Variants in VAV3 observed in about 807,000 individuals in gnomAD.
VAV3 encodes vav guanine nucleotide exchange factor 3.
VAV3 carries 94 observed loss-of-function variants against 131.2 expected under a neutral mutation model. The observed-to-expected ratio is 0.72, with a 90% CI of 0.61 to 0.85. VAV3 has a LOEUF of 0.85. VAV3 is among the 40% of genes least tolerant of loss of function. VAV3 has a pLI of 0.00. For synonymous variants in VAV3, 349 were observed against 342.0 expected (o/e 1.02, Z -0.22); for missense variants, 939 against 1,002.7 (o/e 0.94, Z 0.86).
chr1:107,915,276 T>A (rs1672553370), intron 1 of VAV3, among the ~76,000 whole-genome samples: 1 of 152,140 alleles, frequency 6.6e-6, no homozygotes, highest in African/African-American at 2.4e-5. Flanking sequence ...TTTAATGAGA[T>A]GCAAAAGCCT....
At chr1:107,724,032 C>T (rs1661681614) in intron 15 of VAV3, among the ~76,000 whole-genome samples, 2 of 152,170 alleles carry the variant, frequency 1.3e-5, no homozygotes, top group African/African-American at 4.8e-5. Context: ...AAGCGACTAA[C>T]AGAGTGAACT....
intron 2 of VAV3, among the ~76,000 whole-genome samples, chr1:107,869,108 A>T (rs1325139384): frequency 6.6e-6 from 1 of 152,114 alleles, no homozygotes; most frequent in Non-Finnish European, 1.5e-5. Flanking sequence ...CAAATGTCTT[A>T]TTGGTCCCAA....
At chr1:107,661,408 T>A (rs1034813291) in intron 19 of VAV3, among the ~76,000 whole-genome samples, 1 of 152,214 alleles carries the variant, frequency 6.6e-6, no homozygotes, top group Admixed American at 6.5e-5. Flanking sequence ...GGGCACCGCC[T>A]CTGCAATGTC....
At chr1:107,694,709 T>C (rs1330945658) in intron 17 of VAV3, among the ~76,000 whole-genome samples, 1 of 152,162 alleles carries the variant, frequency 6.6e-6, no homozygotes, top group Non-Finnish European at 1.5e-5. Flanking sequence ...ATTATAGTGA[T>C]CTTCAGGGCC....
At chr1:107,725,010 G>A (rs1018263421) in intron 15 of VAV3, among the ~76,000 whole-genome samples, 4 of 152,206 alleles carry the variant, frequency 2.6e-5, no homozygotes, top group South Asian at 2.1e-4. Flanking sequence ...AAGGGGTGAG[G>A]TGAGAGACAG....
At chr1:107,918,707 T>TATATA (rs1557923397) in intron 1 of VAV3, among the ~76,000 whole-genome samples, 220 of 49,408 alleles carry the variant, frequency 4.5e-3, no homozygotes, top group African/African-American at 0.012. Context: ...ATATATATAT[T>TATATA]TTTTTTTTTT....
intron 2 of VAV3, among the ~76,000 whole-genome samples, chr1:107,792,641 G>A (rs1666354514): frequency 6.6e-6 from 1 of 152,194 alleles, no homozygotes; most frequent in African/African-American, 2.4e-5. Flanking sequence ...AAAATAAAAT[G>A]TCAAAAAATT....
chr1:107,685,013 A>C (rs183346243), intron 18 of VAV3, among the ~76,000 whole-genome samples: 1 of 152,310 alleles, frequency 6.6e-6, no homozygotes, highest in Non-Finnish European at 1.5e-5. Context: ...TGCACAATAG[A>C]AGCTGTCTTT....
intron 20 of VAV3, among the ~76,000 whole-genome samples, chr1:107,624,975 A>G (rs908139567): frequency 3.3e-5 from 5 of 152,102 alleles, no homozygotes; most frequent in Non-Finnish European, 5.9e-5. Context: ...CTGTGAGGTG[A>G]TAATTTGATA....
intron 22 of VAV3, chr1:107,609,602 A>T (rs1200701588): frequency 4.8e-6 from 1 of 206,968 alleles, no homozygotes; most frequent in Non-Finnish European, 9.6e-6. Flanking sequence ...GTTTTTAGAC[A>T]ATGAAAGCAT....
At chr1:107,789,307 A>G (rs1360956229) in intron 2 of VAV3, among the ~76,000 whole-genome samples, 3 of 152,190 alleles carry the variant, frequency 2.0e-5, no homozygotes, top group Non-Finnish European at 2.9e-5. Flanking sequence ...AGCTATTACC[A>G]CTTCAAAGGA....
chr1:107,642,346 C>T (rs1218391313), intron 20 of VAV3, among the ~76,000 whole-genome samples: 1 of 152,128 alleles, frequency 6.6e-6, no homozygotes, highest in Non-Finnish European at 1.5e-5. Context: ...GCCATGGCAA[C>T]GTCAGGAAGT....
chr1:107,692,824 T>C (rs1266965508), intron 17 of VAV3, among the ~76,000 whole-genome samples: 1 of 152,188 alleles, frequency 6.6e-6, no homozygotes, highest in Non-Finnish European at 1.5e-5. Flanking sequence ...CAGCTGAGGC[T>C]TGCATTCTCA....
intron 2 of VAV3, among the ~76,000 whole-genome samples, chr1:107,803,204 G>A (rs1317729965): frequency 6.6e-6 from 1 of 151,598 alleles, no homozygotes; most frequent in East Asian, 1.9e-4. Context: ...GTTTCTGATT[G>A]TATTCATTTG....
chr1:107,819,130 A>T (rs1667683622), intron 2 of VAV3, among the ~76,000 whole-genome samples: 1 of 152,162 alleles, frequency 6.6e-6, no homozygotes, highest in Non-Finnish European at 1.5e-5. Flanking sequence ...AGCAAAATAG[A>T]TTGCCTCCAG....
chr1:107,700,498 T>A (rs532987905), intron 17 of VAV3, among the ~76,000 whole-genome samples: 96 of 152,302 alleles, frequency 6.3e-4, no homozygotes, highest in Admixed American at 8.5e-4. Context: ...TTCCCCTCCC[T>A]GTGTCCATGT....
At chr1:107,722,631 T>C (rs916295884) in intron 15 of VAV3, among the ~76,000 whole-genome samples, 1 of 152,162 alleles carries the variant, frequency 6.6e-6, no homozygotes, top group Non-Finnish European at 1.5e-5. Flanking sequence ...TTGATGACCT[T>C]GAAGGGTTGT....
intron 2 of VAV3, among the ~76,000 whole-genome samples, chr1:107,874,121 C>A (rs759384516): frequency 7.9e-5 from 12 of 152,240 alleles, no homozygotes; most frequent in South Asian, 2.1e-4. Context: ...TGCTTATTTT[C>A]ATAATGCAAT....
chr1:107,635,458 T>C (rs1229873963), intron 20 of VAV3, among the ~76,000 whole-genome samples: 2 of 99,548 alleles, frequency 2.0e-5, no homozygotes, highest in African/African-American at 8.0e-5. Flanking sequence ...CATCACACAC[T>C]GGGGCCTGTT....
Sources: gnomAD v4.1 joint callset for allele counts (sites outside exome capture counted in the v4.1 genomes callset) on GRCh38, gnomAD v4.1.1 for gene constraint, MANE v1.5 for transcripts, NCBI Gene and HGNC (gene_info 2026-07-23, HGNC 2026-07-21) for gene names.